The following TRIM71 variants were observed in gnomAD, a reference collection of about 807,000 sequenced individuals.
The protein encoded by TRIM71 is tripartite motif containing 71.
In TRIM71, 9 loss-of-function variants were observed where a neutral mutation model predicts 61.2. That is an observed-to-expected ratio of 0.15 (90% CI 0.09 to 0.26). TRIM71 has a LOEUF of 0.26. Among genes scored for constraint, TRIM71 ranks in the 10% least tolerant of loss-of-function variants. The probability of loss-of-function intolerance (pLI) is 1.00; values close to 1 mark genes in which losing one functional copy is unlikely to be tolerated. For missense variants in TRIM71, 998 were observed against 1,238.7 expected (o/e 0.81, Z 2.92); for synonymous variants, 645 against 553.2 (o/e 1.17, Z -2.33).
intron 1 of TRIM71, among the ~76,000 whole-genome samples, chr3:32,836,051 C>T (rs1476757869): frequency 6.6e-6 from 1 of 152,146 alleles, no homozygotes; most frequent in Admixed American, 6.5e-5. Flanking sequence ...TGGCTGTTGC[C>T]AGCAATGCTC....
At chr3:32,876,100 C>G (rs565720996) in intron 2 of TRIM71, among the ~76,000 whole-genome samples, 1 of 152,150 alleles carries the variant, frequency 6.6e-6, no homozygotes, top group Non-Finnish European at 1.5e-5. Flanking sequence ...TGTTGCTCTT[C>G]TCCTTTGTCA....
At chr3:32,874,643 C>T (rs1403976969) in intron 2 of TRIM71, among the ~76,000 whole-genome samples, 4 of 152,100 alleles carry the variant, frequency 2.6e-5, no homozygotes, top group African/African-American at 9.7e-5. Flanking sequence ...CTGCCTCAGC[C>T]TCCCGAGTAG....
chr3:32,891,742 C>A lies in TRIM71; in HGVS notation c.2538C>A (p.Gly846=). The change falls in exon 4 of 4, where the codon GGC becomes GGA. Residue 846 remains glycine, a synonymous_variant. Transcript: ENST00000383763. The surrounding 1 kb of genome is among the most constrained non-coding windows in gnomAD (Gnocchi z 8.2). ...SGFGQMDRPS[G]IAITPDGMIV... is the part of the protein sequence containing the mutation. ...TTGGGCAGATGGACCGCCCTTCCGG[C>A]ATCGCCATCACCCCCGACGGAATGA... 1 of 1,614,170 alleles carries A rather than the reference C, an allele frequency of 6.2e-7. No individual in the cohort carries two copies. The highest frequency in any genetic ancestry group is 8.5e-7 in the Non-Finnish European group (1 of 1,180,036).
intron 3 of TRIM71, among the ~76,000 whole-genome samples, chr3:32,888,434 C>CAAAAA (rs56834147): frequency 5.2e-5 from 5 of 95,856 alleles, no homozygotes; most frequent in African/African-American, 2.2e-4. Flanking sequence ...CCATCTCTAC[C>CAAAAA]AAAAAAAAAA....
At chr3:32,876,302 A>C (rs940742655) in intron 2 of TRIM71, among the ~76,000 whole-genome samples, 1 of 152,048 alleles carries the variant, frequency 6.6e-6, no homozygotes, top group Non-Finnish European at 1.5e-5. Context: ...CACTGGTGTC[A>C]GCAGGGCACG....
At position 32,818,022 on chromosome 3, in the gene TRIM71, TCTCCTC is replaced by T. The variant is rs886969239; in HGVS notation, c.-46_-41del. On this transcript the variant is annotated 5_prime_UTR_variant, in exon 1 of 4. Transcript: ENST00000383763. ...ACTCCCCCACCCACCTCGTCCGCTC[TCTCCTC>T]CTCCTCCTCCTCTTCCTCTCTGGTC... The T allele has an allele frequency of 1.4e-5, 21 of 1,532,604 alleles. No homozygotes were observed. The highest frequency in any genetic ancestry group is 2.8e-5 in the African/African-American group (2 of 72,102). 94.9% of individuals were successfully genotyped at this position (1,532,604 alleles called of 1,614,324 possible). A position where few individuals can be genotyped will look rare whatever the true frequency, so the allele number is the denominator to read the frequency against.
At chr3:32,832,815 A>T (rs1225837848) in intron 1 of TRIM71, among the ~76,000 whole-genome samples, 1 of 152,156 alleles carries the variant, frequency 6.6e-6, no homozygotes, top group Non-Finnish European at 1.5e-5. Context: ...TGGACGATTG[A>T]TAACATTGAA....
At chr3:32,858,567 G>A (rs753198202) in intron 1 of TRIM71, among the ~76,000 whole-genome samples, 5 of 152,158 alleles carry the variant, frequency 3.3e-5, no homozygotes, top group Non-Finnish European at 5.9e-5. Flanking sequence ...TGGGAGAGCC[G>A]GGAGGCCCAG....
At chr3:32,889,668 A>G (rs1049030094) in intron 3 of TRIM71, among the ~76,000 whole-genome samples, 5 of 150,964 alleles carry the variant, frequency 3.3e-5, no homozygotes, top group African/African-American at 1.2e-4. Context: ...TACTCACTGC[A>G]ACCTCCGCCT....
At position 32,891,475 on chromosome 3, in the gene TRIM71, T is replaced by G. The variant is rs1404687573; in HGVS notation, c.2271T>G (p.His757Gln). 6 of 1,613,696 alleles carry G rather than the reference T, an allele frequency of 3.7e-6. No individual in the cohort carries two copies. The highest frequency in any genetic ancestry group is 8.5e-7 in the Non-Finnish European group (1 of 1,179,972). Residue 757 changes from histidine (H) to glutamine (Q), a missense_variant, in exon 4 of 4, where the codon CAT (histidine) becomes CAG (glutamine). Around this residue, in one of 5 missense-constraint regions of TRIM71, gnomAD observed 95 missense variants for 159.0 expected, o/e 0.60. Transcript: ENST00000383763. This position sits in a 1 kb window ranked among gnomAD's most constrained non-coding sequence, Gnocchi z 8.2. ...CCCCACGGGGTGTGGCCTTCAACCA[T>G]GAGGGCCACTTGGTGGTCACTGACT... ...FDSPRGVAFN[H>Q]EGHLVVTDFN... is the part of the protein sequence containing the mutation.
At chr3:32,854,481 C>T (rs1696574275) in intron 1 of TRIM71, among the ~76,000 whole-genome samples, 1 of 152,122 alleles carries the variant, frequency 6.6e-6, no homozygotes, top group South Asian at 2.1e-4. Context: ...TCTGTGGCTA[C>T]CCACTTGACC....
At chr3:32,887,071 G>A (rs1246718582) in intron 3 of TRIM71, among the ~76,000 whole-genome samples, 2 of 152,170 alleles carry the variant, frequency 1.3e-5, no homozygotes, top group African/African-American at 4.8e-5. Context: ...GTCTGCCAGT[G>A]TTATGCCACC....
chr3:32,828,928 C>G (rs1165533908), intron 1 of TRIM71, among the ~76,000 whole-genome samples: 2 of 152,070 alleles, frequency 1.3e-5, no homozygotes, highest in African/African-American at 4.8e-5. Flanking sequence ...GATAGCAATC[C>G]TCCTATGTCA....
chr3:32,863,418 A>C (rs960654959), intron 1 of TRIM71, among the ~76,000 whole-genome samples: 1 of 151,806 alleles, frequency 6.6e-6, no homozygotes, highest in African/African-American at 2.4e-5. Context: ...CTAAGTGTAC[A>C]TTTTGACTTT....
At chr3:32,867,883 T>C (rs986082366) in intron 1 of TRIM71, among the ~76,000 whole-genome samples, 2 of 152,128 alleles carry the variant, frequency 1.3e-5, no homozygotes, top group Non-Finnish European at 2.9e-5. Flanking sequence ...AAGGGGATTG[T>C]GGGCCTCAGG....
intron 2 of TRIM71, among the ~76,000 whole-genome samples, chr3:32,877,395 C>T (rs574315275): frequency 8.8e-4 from 130 of 147,684 alleles, no homozygotes; most frequent in African/African-American, 2.6e-3. Flanking sequence ...TGAGCCACCG[C>T]GCCTGGCCAT....
In TRIM71 at chr3:32,818,211, G is replaced by T; in HGVS notation, c.131G>T (p.Gly44Val). ...TCGCAGACGTCCACGTCGTCGGGGGGCGGCGGCGGGGGCCCTGGGGCGGCG... is the reference window on the plus strand; with the variant it reads ...TCGCAGACGTCCACGTCGTCGGGGGTCGGCGGCGGGGGCCCTGGGGCGGCG... ...SSSQTSTSSG[G>V]GGGGPGAAAR... The change falls in exon 1 of 4, where the codon GGC becomes GTC. Residue 44 changes from glycine to valine, a missense_variant. Physicochemically the swap from Gly to Val is moderately radical, Grantham distance 109. This residue lies in a region of TRIM71 where 527 missense variants were observed against 427.8 expected (regional missense o/e 1.23). Coordinates refer to ENST00000383763, the MANE Select transcript of TRIM71 (RefSeq NM_001039111.3). The T allele has an allele frequency of 6.4e-7, 1 of 1,556,294 alleles. No homozygotes were observed. Among genetic ancestry groups the T allele is most frequent in the Non-Finnish European group, 8.6e-7 (1 of 1,157,200 alleles).
intron 2 of TRIM71, among the ~76,000 whole-genome samples, chr3:32,877,045 C>T (rs1033316321): frequency 3.3e-5 from 5 of 151,908 alleles, no homozygotes; most frequent in African/African-American, 7.3e-5. Flanking sequence ...TAATCTATAA[C>T]GCCACAGCCA....
intron 1 of TRIM71, among the ~76,000 whole-genome samples, chr3:32,873,605 T>G (rs62251955): frequency 0.065 from 9,933 of 152,218 alleles, 413 homozygotes; most frequent in Non-Finnish European, 0.093. Context: ...CCATTCCCCC[T>G]TAATTTGGGG....
Sources: gnomAD v4.1 joint callset for allele counts (sites outside exome capture counted in the v4.1 genomes callset) on GRCh38, gnomAD v4.1.1 for gene constraint, gnomAD v4.1.1 regional missense constraint, Gnocchi (gnomAD v3.1) non-coding constraint, MANE v1.5 for transcripts, NCBI Gene and HGNC (gene_info 2026-07-23, HGNC 2026-07-21) for gene names.